The following NCAM2 variants were observed in gnomAD, a reference collection of about 807,000 sequenced individuals.
NCAM2 encodes N-CAM-2.
Under a neutral mutation model 98.1 loss-of-function variants are expected in NCAM2, and 30 were observed. The ratio of observed to expected loss-of-function variants is 0.31; its 90% CI spans 0.23 to 0.41. The LOEUF is 0.41. NCAM2 is among the 10% of genes least tolerant of loss of function. The pLI is 1.00. For synonymous variants in NCAM2, 368 were observed against 342.4 expected (o/e 1.07, Z -0.83); for missense variants, 867 against 1,005.8 (o/e 0.86, Z 1.87).
At chr21:21,408,172 G>T (rs990747614) in intron 9 of NCAM2, among the ~76,000 whole-genome samples, 1 of 152,092 alleles carries the variant, frequency 6.6e-6, no homozygotes, top group African/African-American at 2.4e-5. Flanking sequence ...GAATGCTGTG[G>T]GTGCACAATT....
rs2077358353 is a variant in NCAM2, at chr21:21,432,103, C to T, written c.1481-5C>T. 6.2e-7 allele frequency: 1 copy of T among 1,612,352 alleles called. No individual in the cohort carries two copies. The highest frequency in any genetic ancestry group is 2.2e-5 in the East Asian group (1 of 44,830). ...TATGTTTTCTTTATATTTCTTTGTC[C>T]ATAGACGTGCCATCCAGTCCCTATG... On this transcript the variant is annotated splice_region_variant and splice_polypyrimidine_tract_variant and intron_variant, in intron 11 of 17. Coordinates refer to ENST00000400546, the MANE Select transcript of NCAM2 (RefSeq NM_004540.5).
At chr21:21,125,089 A>C (rs984867964) in intron 1 of NCAM2, among the ~76,000 whole-genome samples, 1 of 152,056 alleles carries the variant, frequency 6.6e-6, no homozygotes, top group African/African-American at 2.4e-5. Flanking sequence ...TAGTTGTCTT[A>C]TGTCTATTGT....
At chr21:21,439,409 G>A (rs1225849968) in intron 12 of NCAM2, among the ~76,000 whole-genome samples, 2 of 152,150 alleles carry the variant, frequency 1.3e-5, no homozygotes, top group African/African-American at 2.4e-5. Flanking sequence ...GATTACAGGC[G>A]TGAGCCACTG....
intron 1 of NCAM2, among the ~76,000 whole-genome samples, chr21:21,003,673 TA>T (rs554387008): frequency 6.6e-6 from 1 of 152,138 alleles, no homozygotes; most frequent in Non-Finnish European, 1.5e-5. Context: ...TATTTAGTTT[TA>T]AAAAATCATC....
rs567315148 is a variant in NCAM2, at chr21:21,399,900, A to G, written c.1196-10374A>G. Among the ~76,000 whole-genome samples, 278 of 152,334 alleles carry G rather than the reference A, an allele frequency of 1.8e-3. 2 individuals are homozygous for G. Among genetic ancestry groups the G allele is most frequent in the African/African-American group, 6.5e-3 (271 of 41,576 alleles). ...AGAGCCAAAGGAGGAATTACAAAAG[A>G]AAGTAGAAAGCTTGCATTAAGCAAG... On this transcript the variant is annotated intron_variant, in intron 9 of 17. Transcript: ENST00000400546.
chr21:21,210,185 A>G (rs1055072994), intron 1 of NCAM2, among the ~76,000 whole-genome samples: 7 of 152,224 alleles, frequency 4.6e-5, no homozygotes, highest in Admixed American at 4.6e-4. Flanking sequence ...GAGACATTTT[A>G]TTAGAAAAAT....
At chr21:21,443,646 G>A (rs1979652985) in intron 12 of NCAM2, among the ~76,000 whole-genome samples, 1 of 151,936 alleles carries the variant, frequency 6.6e-6, no homozygotes. Context: ...AGTTCTGATG[G>A]GATGGGTCTA....
At chr21:21,265,478 TTA>T (rs2072224230) in intron 1 of NCAM2, among the ~76,000 whole-genome samples, 1 of 138,888 alleles carries the variant, frequency 7.2e-6, no homozygotes. Flanking sequence ...TGTATATATA[TTA>T]TATATACACA....
chr21:21,385,459 C>T, intron 9 of NCAM2: 1 of 392,770 alleles, frequency 2.5e-6, no homozygotes, highest in South Asian at 2.0e-5. Context: ...GAACCAAGCA[C>T]CTACAGGGTA....
At chr21:21,238,556 A>AG (rs1330466281) in intron 1 of NCAM2, among the ~76,000 whole-genome samples, 1 of 330 alleles carries the variant, frequency 3.0e-3, no homozygotes, top group Non-Finnish European at 6.3e-3. Flanking sequence ...GTGAACATTT[A>AG]GTTTGGGGGG....
chr21:21,378,731 TTATC>T (rs1272799024), intron 9 of NCAM2, among the ~76,000 whole-genome samples: 1 of 152,092 alleles, frequency 6.6e-6, no homozygotes, highest in African/African-American at 2.4e-5. Flanking sequence ...CAGAGTTTGT[TTATC>T]TAGTACCTAT....
rs1421629160 is a variant in NCAM2, at chr21:21,490,488, TTTAG to T, written c.2077+13023_2077+13026del. Among the ~76,000 whole-genome samples, 9 of 151,948 alleles carry T rather than the reference TTTAG, an allele frequency of 5.9e-5. No homozygotes were observed. In the East Asian group the frequency reaches 9.6e-4, roughly 16 times the overall value. On this transcript the variant is annotated intron_variant, in intron 15 of 17. Coordinates refer to ENST00000400546, the MANE Select transcript of NCAM2 (RefSeq NM_004540.5). The stretch of plus-strand genomic sequence containing the variant: ...ATTCAATTAGTCTTTATCATTTCAT[TTTAG>T]TTAGTAAAAATATGTTACACACTGT...
chr21:21,379,066 A>G (rs2076094083), intron 9 of NCAM2, among the ~76,000 whole-genome samples: 1 of 151,874 alleles, frequency 6.6e-6, no homozygotes, highest in Non-Finnish European at 1.5e-5. Context: ...TAGGGCTGTT[A>G]TTAATTTTGA....
chr21:21,018,684 G>A (rs1371091850), intron 1 of NCAM2, among the ~76,000 whole-genome samples: 3 of 152,082 alleles, frequency 2.0e-5, no homozygotes, highest in Admixed American at 6.6e-5. Context: ...GCTTTTGTGA[G>A]GTATGTTGGT....
intron 15 of NCAM2, among the ~76,000 whole-genome samples, chr21:21,491,184 G>A (rs997506703): frequency 2.6e-5 from 4 of 151,644 alleles, no homozygotes; most frequent in South Asian, 2.1e-4. Context: ...AAATAATTTC[G>A]TGACAATATC....
At chr21:21,450,833 CAT>C (rs1555898569) in intron 12 of NCAM2, among the ~76,000 whole-genome samples, 1,394 of 139,372 alleles carry the variant, frequency 0.01, 33 homozygotes, top group African/African-American at 0.035. Flanking sequence ...CACACACACA[CAT>C]ATCTCCTGTC....
At chr21:21,534,485 A>T in intron 16 of NCAM2, 52 bp from the exon 17 acceptor site, 1 of 1,395,044 alleles carries the variant, frequency 7.2e-7, no homozygotes, top group Non-Finnish European at 9.5e-7. Context: ...TTTTTCCATA[A>T]TGCATCCATT....
intron 15 of NCAM2, among the ~76,000 whole-genome samples, chr21:21,504,895 G>C (rs1271203732): frequency 6.6e-6 from 1 of 151,616 alleles, no homozygotes; most frequent in Non-Finnish European, 1.5e-5. Context: ...AGGGAAAATG[G>C]TGTATCCATC....
intron 8 of NCAM2, among the ~76,000 whole-genome samples, chr21:21,364,333 A>G (rs1371984994): frequency 2.0e-5 from 3 of 152,028 alleles, no homozygotes; most frequent in Non-Finnish European, 2.9e-5. Flanking sequence ...CAAAGCTCAC[A>G]ATATAGATAT....
Sources: allele counts gnomAD v4.1 joint callset (sites outside exome capture counted in the v4.1 genomes callset), GRCh38; gene constraint gnomAD v4.1.1; transcripts MANE v1.5; gene names NCBI Gene and HGNC (gene_info 2026-07-23, HGNC 2026-07-21).